The following DOCK8 variants were observed in gnomAD, a reference collection of about 807,000 sequenced individuals.
DOCK8 encodes dedicator of cytokinesis 8, also known as dedicator of cytokinesis protein 8.
DOCK8 carries 141 observed loss-of-function variants against 245.6 expected under a neutral mutation model. That is an observed-to-expected ratio of 0.57 (90% CI 0.50 to 0.66). The LOEUF is 0.66. DOCK8 is among the 30% of genes least tolerant of loss of function. DOCK8 has a pLI of 0.00. For missense variants in DOCK8, 2,965 were observed against 2,603.4 expected (o/e 1.14, Z -3.02); for synonymous variants, 1,168 against 970.2 (o/e 1.20, Z -3.79).
At chr9:240,807 A>T (rs970735667) in intron 1 of DOCK8, among the ~76,000 whole-genome samples, 2 of 152,166 alleles carry the variant, frequency 1.3e-5, no homozygotes, top group African/African-American at 2.4e-5. Context: ...GATCATCTGT[A>T]AGTGCGTAAA....
chr9:384,494 G>T (rs1470425858), intron 22 of DOCK8, among the ~76,000 whole-genome samples: 1 of 152,182 alleles, frequency 6.6e-6, no homozygotes, highest in Non-Finnish European at 1.5e-5. Flanking sequence ...TTTGGGGCTG[G>T]GCGCCAATAC....
At chr9:271,573 G>A in intron 1 of DOCK8, 54 bp from the exon 2 acceptor site, 13 of 1,331,756 alleles carry the variant, frequency 9.8e-6, no homozygotes, top group Non-Finnish European at 1.4e-5. Context: ...ATCTAAAATT[G>A]TGATGATTTC....
intron 7 of DOCK8, among the ~76,000 whole-genome samples, chr9:324,235 G>T (rs2050653198): frequency 6.6e-6 from 1 of 152,158 alleles, no homozygotes. Flanking sequence ...AACCCTTTTT[G>T]TCTGTGCTCA....
chr9:323,218 C>CTTT (rs1164158230), intron 7 of DOCK8, among the ~76,000 whole-genome samples: 4 of 67,208 alleles, frequency 6.0e-5, no homozygotes, highest in Non-Finnish European at 1.1e-4. Context: ...AATCTACCAT[C>CTTT]TTTTTTTTTT....
chr9:239,763 A>T (rs538895616), intron 1 of DOCK8, among the ~76,000 whole-genome samples: 62 of 152,330 alleles, frequency 4.1e-4, no homozygotes, highest in African/African-American at 1.4e-3. Flanking sequence ...ACACACATAC[A>T]TACATACTTC....
chr9:234,133 C>T (rs1034021367), intron 1 of DOCK8, among the ~76,000 whole-genome samples: 29 of 152,092 alleles, frequency 1.9e-4, no homozygotes, highest in Admixed American at 1.2e-3. Context: ...CTGTAAAGGA[C>T]TTTATTTCTC....
intron 1 of DOCK8, among the ~76,000 whole-genome samples, chr9:222,041 G>C (rs1249652848): frequency 6.6e-6 from 1 of 151,924 alleles, no homozygotes. Context: ...AGGAGAATCA[G>C]TTGAGCCCAG....
intron 1 of DOCK8, 145 bp downstream of exon 1, chr9:215,174 G>A (rs951858913): frequency 6.6e-7 from 1 of 1,506,248 alleles, no homozygotes; most frequent in African/African-American, 1.4e-5. Flanking sequence ...CCCGGTTCCC[G>A]AGGCTGCGGC....
chr9:354,962 C>G (rs987225536), intron 14 of DOCK8, among the ~76,000 whole-genome samples: 1 of 152,046 alleles, frequency 6.6e-6, no homozygotes. Context: ...TAGGTCTAGC[C>G]CACACTCAAA....
At chr9:334,173 T>A in intron 10 of DOCK8, 52 bp from the exon 11 acceptor site, 1 of 1,609,564 alleles carries the variant, frequency 6.2e-7, no homozygotes, top group Non-Finnish European at 8.5e-7. Flanking sequence ...TCAGAGGCAG[T>A]TGACTTGGTG....
At position 379,812 on chromosome 9, in the gene DOCK8, G is replaced by T. The variant is rs138519226; in HGVS notation, c.2482G>T (p.Ala828Ser). Residue 828 changes from alanine to serine, a missense_variant, in exon 21 of 48, where the codon GCC becomes TCC. Coordinates refer to ENST00000432829, the MANE Select transcript of DOCK8 (RefSeq NM_203447.4). Reference protein sequence around the residue: ...QFAFESVVAIANSLHNSKDLS... With the variant: ...QFAFESVVAISNSLHNSKDLS... ...TGCCTTCGAGTCCGTGGTGGCCATCGCCAACAGTCTGCACAACAGCAAGGA... is the reference window on the plus strand; with the variant it reads ...TGCCTTCGAGTCCGTGGTGGCCATCTCCAACAGTCTGCACAACAGCAAGGA... 6.2e-7 allele frequency: 1 copy of T among 1,614,148 alleles called. No individual in the cohort carries two copies. The highest frequency in any genetic ancestry group is 8.5e-7 in the Non-Finnish European group (1 of 1,180,016).
Position 400,988 on chromosome 9 carries a change from T to TCCACCATCACCACCACCA in DOCK8, c.3234+1735_3234+1736insTCACCACCACCACCACCA, listed in dbSNP as rs1159927595. Among the ~76,000 whole-genome samples the TCCACCATCACCACCACCA allele has an allele frequency of 2.1e-5, 2 of 96,312 alleles. 1 individual carries two copies. The highest frequency in any genetic ancestry group is 4.8e-5 in the Non-Finnish European group (2 of 42,030). 63.2% of individuals were successfully genotyped at this position (96,312 alleles called of 152,430 possible). On this transcript the variant is annotated intron_variant, in intron 26 of 47. Transcript: ENST00000432829. ...CACCTCCTCCACCATCACCACCTCCTCCACCACCACCACCATTAGCTCCAC... is the reference window on the plus strand; with the variant it reads ...CACCTCCTCCACCATCACCACCTCCTCCACCATCACCACCACCACCACCACCACCACCATTAGCTCCAC...
At chr9:340,079 AAC>A (rs2130921365) in intron 13 of DOCK8, 78 bp from the exon 14 acceptor site, 7 of 1,517,260 alleles carry the variant, frequency 4.6e-6, no homozygotes, top group East Asian at 2.3e-5. Context: ...TCATGAAAGA[AAC>A]ACAGTGCAAC....
intron 4 of DOCK8, among the ~76,000 whole-genome samples, chr9:301,492 C>T (rs2049543669): frequency 6.6e-6 from 1 of 152,170 alleles, no homozygotes; most frequent in Admixed American, 6.5e-5. Context: ...AAGTGCTAGC[C>T]AGAGAAATCA....
chr9:454,908 A>G (rs1163753577), intron 46 of DOCK8, among the ~76,000 whole-genome samples: 3 of 150,576 alleles, frequency 2.0e-5, no homozygotes, highest in Non-Finnish European at 4.4e-5. Context: ...AGTCCCAGGC[A>G]AGAGATACAA....
At chr9:344,673 C>T (rs1019815662) in intron 14 of DOCK8, among the ~76,000 whole-genome samples, 1 of 152,144 alleles carries the variant, frequency 6.6e-6, no homozygotes, top group African/African-American at 2.4e-5. Flanking sequence ...AAATAAAAGT[C>T]TCTTTTCAAG....
chr9:291,900 C>T (rs1292556630), intron 4 of DOCK8, among the ~76,000 whole-genome samples: 2 of 151,224 alleles, frequency 1.3e-5, no homozygotes, highest in Non-Finnish European at 2.9e-5. Flanking sequence ...GACCCCACCT[C>T]TAAAAAAATT....
At chr9:445,689 C>T (rs2057232079) in intron 43 of DOCK8, among the ~76,000 whole-genome samples, 1 of 152,138 alleles carries the variant, frequency 6.6e-6, no homozygotes, top group South Asian at 2.1e-4. Context: ...GTGACTACCT[C>T]ACCATTTGCT....
At chr9:249,332 C>G (rs943400622) in intron 1 of DOCK8, among the ~76,000 whole-genome samples, 4 of 152,212 alleles carry the variant, frequency 2.6e-5, no homozygotes, top group African/African-American at 9.6e-5. Context: ...TAGCCTACCT[C>G]TGACCACAGC....
Sources: gnomAD v4.1 joint callset for allele counts (sites outside exome capture counted in the v4.1 genomes callset) on GRCh38, gnomAD v4.1.1 for gene constraint, MANE v1.5 for transcripts, NCBI Gene and HGNC (gene_info 2026-07-23, HGNC 2026-07-21) for gene names.